The following ARB2A variants were observed in gnomAD, a reference collection of about 807,000 sequenced individuals.
ARB2A encodes the protein cotranscriptional regulator ARB2A.
chr5:94,006,517 C>G, the ARB2A span, among the ~76,000 whole-genome samples: 1 of 152,098 alleles, frequency 6.6e-6, no homozygotes, highest in African/African-American at 2.4e-5. Flanking sequence ...AAGATGCTAG[C>G]ACTGGGGAAA....
the ARB2A span, among the ~76,000 whole-genome samples, chr5:93,887,266 A>AG: frequency 6.6e-6 from 1 of 151,516 alleles, no homozygotes; most frequent in Non-Finnish European, 1.5e-5. Flanking sequence ...TAAAAAAAAA[A>AG]AAAAGAAAAG....
the ARB2A span, among the ~76,000 whole-genome samples, chr5:93,898,319 T>G: frequency 1.3e-5 from 2 of 152,018 alleles, no homozygotes; most frequent in Non-Finnish European, 2.9e-5. Flanking sequence ...TATTTAACAA[T>G]TCTCAGAGCC....
the ARB2A span, among the ~76,000 whole-genome samples, chr5:93,644,278 A>G: frequency 1.8e-4 from 27 of 152,220 alleles, no homozygotes; most frequent in Admixed American, 1.8e-3. Flanking sequence ...TCTGAAAGTA[A>G]TGAGATCTAT....
chr5:94,040,052 C>A, the ARB2A span, among the ~76,000 whole-genome samples: 6 of 151,990 alleles, frequency 3.9e-5, no homozygotes, highest in Admixed American at 1.3e-4. Context: ...AGGCAAGGAC[C>A]AACTTTGGGT....
At chr5:93,720,513 C>T in the ARB2A span, among the ~76,000 whole-genome samples, 1 of 152,116 alleles carries the variant, frequency 6.6e-6, no homozygotes, top group Non-Finnish European at 1.5e-5. Context: ...GAGATGCTTT[C>T]CCCCAGTGGT....
chr5:93,809,646 C>A, the ARB2A span, among the ~76,000 whole-genome samples: 47 of 152,034 alleles, frequency 3.1e-4, no homozygotes, highest in Non-Finnish European at 3.5e-4. Flanking sequence ...TCTTTTATAG[C>A]TTTTCAAGTA....
At chr5:93,680,077 G>T in the ARB2A span, among the ~76,000 whole-genome samples, 1 of 152,032 alleles carries the variant, frequency 6.6e-6, no homozygotes, top group Non-Finnish European at 1.5e-5. Flanking sequence ...CACATTTTAA[G>T]ATTTAAAAAT....
chr5:93,652,359 GAAT>G, the ARB2A span, among the ~76,000 whole-genome samples: 1 of 152,076 alleles, frequency 6.6e-6, no homozygotes, highest in African/African-American at 2.4e-5. Context: ...TTAATAATCA[GAAT>G]AATAATTTTG....
the ARB2A span, among the ~76,000 whole-genome samples, chr5:93,883,924 T>TAC: frequency 0.16 from 21,624 of 133,704 alleles, 1,610 homozygotes; most frequent in Admixed American, 0.22. Context: ...CACATACACA[T>TAC]ACACACACAC....
chr5:93,706,605 C>T, the ARB2A span, among the ~76,000 whole-genome samples: 29 of 151,940 alleles, frequency 1.9e-4, no homozygotes, highest in Non-Finnish European at 3.8e-4. Context: ...CGGTGGCTCA[C>T]GTCTGTAATC....
chr5:93,792,014 G>C, the ARB2A span, among the ~76,000 whole-genome samples: 1 of 152,054 alleles, frequency 6.6e-6, no homozygotes, highest in Non-Finnish European at 1.5e-5. Flanking sequence ...TACAAAATAC[G>C]TGATGTGGTT....
At chr5:94,000,625 C>T in the ARB2A span, among the ~76,000 whole-genome samples, 1 of 151,940 alleles carries the variant, frequency 6.6e-6, no homozygotes, top group African/African-American at 2.4e-5. Context: ...ATTCTCTTAA[C>T]ATTGTTTTTT....
the ARB2A span, among the ~76,000 whole-genome samples, chr5:93,672,037 C>T: frequency 6.6e-6 from 1 of 152,150 alleles, no homozygotes; most frequent in East Asian, 1.9e-4. Flanking sequence ...TATTCCCTTC[C>T]AAAGGTGGGT....
At chr5:93,657,145 G>A in the ARB2A span, among the ~76,000 whole-genome samples, 3 of 152,264 alleles carry the variant, frequency 2.0e-5, no homozygotes, top group East Asian at 3.9e-4. Flanking sequence ...CCATAAAGAC[G>A]ATGGCCTCTC....
the ARB2A span, among the ~76,000 whole-genome samples, chr5:94,035,808 A>G: frequency 6.6e-6 from 1 of 152,174 alleles, no homozygotes; most frequent in Non-Finnish European, 1.5e-5. Flanking sequence ...TTGAACAATG[A>G]GAACGTATGG....
At chr5:94,053,824 T>C in the ARB2A span, among the ~76,000 whole-genome samples, 2 of 152,200 alleles carry the variant, frequency 1.3e-5, no homozygotes, top group African/African-American at 4.8e-5. Flanking sequence ...TGGAGTGCAG[T>C]GGCACAATCT....
At chr5:93,961,570 G>A in the ARB2A span, among the ~76,000 whole-genome samples, 1 of 152,066 alleles carries the variant, frequency 6.6e-6, no homozygotes, top group Admixed American at 6.6e-5. Context: ...TGTAGTCCCA[G>A]CTACTTGGCA....
the ARB2A span, among the ~76,000 whole-genome samples, chr5:93,900,176 A>C: frequency 8.5e-5 from 13 of 152,226 alleles, no homozygotes; most frequent in Non-Finnish European, 1.6e-4. Context: ...ATACTTTTTC[A>C]AAGAGTATTA....
chr5:93,822,426 T>G, the ARB2A span, among the ~76,000 whole-genome samples: 2 of 152,172 alleles, frequency 1.3e-5, no homozygotes, highest in African/African-American at 2.4e-5. Flanking sequence ...ATTTTAAGTT[T>G]GGTGTGTAAA....
Sources: gnomAD v4.1 joint callset for allele counts (sites outside exome capture counted in the v4.1 genomes callset) on GRCh38, gnomAD v4.1.1 for gene constraint, MANE v1.5 for transcripts, NCBI Gene and HGNC (gene_info 2026-07-23, HGNC 2026-07-21) for gene names.